Variants in AGBL4 observed in about 807,000 individuals in gnomAD.
AGBL4 encodes AGBL carboxypeptidase 4.
AGBL4 carries 58 observed loss-of-function variants against 66.4 expected under a neutral mutation model. The observed-to-expected ratio is 0.87, with a 90% CI of 0.71 to 1.09. AGBL4 has a LOEUF of 1.09. AGBL4 is among the 50% of genes least tolerant of loss of function. The probability of loss-of-function intolerance (pLI) is 0.00; values close to 1 mark genes in which losing one functional copy is unlikely to be tolerated. For missense variants in AGBL4, 579 were observed against 631.0 expected, an observed-to-expected ratio of 0.92 and a Z score of 0.88; for synonymous variants, 234 against 222.9, an observed-to-expected ratio of 1.05 and a Z score of -0.44.
chr1:49,425,912 A>G (rs1166809697), intron 3 of AGBL4, among the ~76,000 whole-genome samples: 1 of 152,202 alleles, frequency 6.6e-6, no homozygotes, highest in African/African-American at 2.4e-5. Context: ...GTTCCTTGTC[A>G]TCTTTGAGGA....
chr1:48,968,236 T>C (rs1457731116), intron 5 of AGBL4, among the ~76,000 whole-genome samples: 1 of 152,024 alleles, frequency 6.6e-6, no homozygotes, highest in Non-Finnish European at 1.5e-5. Flanking sequence ...AACAGAAGAA[T>C]AGTAGGCAAT....
chr1:49,356,760 GT>G (rs1189182438), intron 3 of AGBL4, among the ~76,000 whole-genome samples: 1 of 152,200 alleles, frequency 6.6e-6, no homozygotes, highest in African/African-American at 2.4e-5. Flanking sequence ...GGTTCTCAAT[GT>G]AGGCAAAGTG....
chr1:49,585,621 T>C (rs966551632), intron 3 of AGBL4, among the ~76,000 whole-genome samples: 5 of 152,254 alleles, frequency 3.3e-5, no homozygotes, highest in African/African-American at 1.2e-4. Context: ...ATCTTAATTA[T>C]TGACTTTGTG....
chr1:49,648,370 G>A (rs1392134534), intron 3 of AGBL4, among the ~76,000 whole-genome samples: 1 of 149,704 alleles, frequency 6.7e-6, no homozygotes, highest in African/African-American at 2.4e-5. Context: ...TCCAAAACCT[G>A]TAATACGACT....
intron 3 of AGBL4, among the ~76,000 whole-genome samples, chr1:49,403,333 A>G (rs1306644051): frequency 6.6e-6 from 1 of 152,042 alleles, no homozygotes; most frequent in Non-Finnish European, 1.5e-5. Context: ...TATCTTTTCC[A>G]TCACTTTATT....
intron 4 of AGBL4, among the ~76,000 whole-genome samples, chr1:49,072,326 T>A (rs945761806): frequency 3.9e-5 from 6 of 152,216 alleles, no homozygotes; most frequent in Non-Finnish European, 7.3e-5. Context: ...TTGATGCTGT[T>A]CTTCATAGCA....
At chr1:49,535,882 G>A (rs1570971298) in intron 3 of AGBL4, among the ~76,000 whole-genome samples, 1 of 152,048 alleles carries the variant, frequency 6.6e-6, no homozygotes, top group African/African-American at 2.4e-5. Flanking sequence ...TAGTAGAGAC[G>A]GGGTTTCACC....
intron 3 of AGBL4, among the ~76,000 whole-genome samples, chr1:49,543,581 C>A (rs1036663257): frequency 2.0e-5 from 3 of 152,036 alleles, no homozygotes; most frequent in African/African-American, 7.2e-5. Flanking sequence ...AATATATCAG[C>A]AAGAGTGTTC....
chr1:49,368,307 T>A (rs1006097371), intron 3 of AGBL4, among the ~76,000 whole-genome samples: 11 of 152,348 alleles, frequency 7.2e-5, no homozygotes, highest in Middle Eastern at 3.4e-3. Flanking sequence ...TATGGAATTT[T>A]ATGTTTAACT....
At chr1:49,329,642 G>C (rs535430992) in intron 3 of AGBL4, among the ~76,000 whole-genome samples, 5 of 152,168 alleles carry the variant, frequency 3.3e-5, no homozygotes, top group Admixed American at 2.0e-4. Context: ...CTCCAGCCTA[G>C]GTAACATAGT....
intron 3 of AGBL4, among the ~76,000 whole-genome samples, chr1:49,300,415 T>C (rs1644724235): frequency 6.6e-6 from 1 of 152,176 alleles, no homozygotes; most frequent in African/African-American, 2.4e-5. Flanking sequence ...AAAAACAGCC[T>C]AGATATGTGG....
chr1:48,545,146 C>G (rs1181132612), intron 11 of AGBL4, among the ~76,000 whole-genome samples: 1 of 152,104 alleles, frequency 6.6e-6, no homozygotes, highest in Non-Finnish European at 1.5e-5. Context: ...ATACTGAGAG[C>G]CAGACTTAAA....
chr1:49,787,485 A>G (rs1644485855), intron 2 of AGBL4, among the ~76,000 whole-genome samples: 1 of 150,726 alleles, frequency 6.6e-6, no homozygotes, highest in Non-Finnish European at 1.5e-5. Flanking sequence ...CCTGGGCGAC[A>G]GAGCGAGACT....
chr1:49,604,624 T>C (rs944462647), intron 3 of AGBL4, among the ~76,000 whole-genome samples: 1 of 152,102 alleles, frequency 6.6e-6, no homozygotes, highest in African/African-American at 2.4e-5. Flanking sequence ...GCTTTAGGGG[T>C]CTTAATTTTT....
intron 4 of AGBL4, among the ~76,000 whole-genome samples, chr1:49,216,804 C>CAA (rs1047157976): frequency 1.3e-5 from 2 of 152,086 alleles, no homozygotes; most frequent in African/African-American, 4.8e-5. Context: ...ACAATACTAT[C>CAA]AATGTCCATT....
At chr1:49,583,829 A>G (rs1330217029) in intron 3 of AGBL4, among the ~76,000 whole-genome samples, 1 of 152,164 alleles carries the variant, frequency 6.6e-6, no homozygotes, top group African/African-American at 2.4e-5. Context: ...TAGAACAGAA[A>G]AATTAACTCC....
intron 3 of AGBL4, among the ~76,000 whole-genome samples, chr1:49,391,437 C>T (rs1318781042): frequency 6.6e-6 from 1 of 151,916 alleles, no homozygotes; most frequent in Non-Finnish European, 1.5e-5. Flanking sequence ...CTAATGATGG[C>T]CTGAAGTGAA....
intron 3 of AGBL4, among the ~76,000 whole-genome samples, chr1:49,331,767 G>A (rs1053372275): frequency 1.3e-5 from 2 of 152,006 alleles, no homozygotes; most frequent in African/African-American, 4.8e-5. Flanking sequence ...GGTGTGGAAG[G>A]TAACACAGCA....
At chr1:48,929,888 T>C (rs1399865554) in intron 5 of AGBL4, among the ~76,000 whole-genome samples, 1 of 152,222 alleles carries the variant, frequency 6.6e-6, no homozygotes, top group Non-Finnish European at 1.5e-5. Flanking sequence ...TCTGATTTTA[T>C]TATTGTAGAT....
Sources: allele counts gnomAD v4.1 joint callset (sites outside exome capture counted in the v4.1 genomes callset), GRCh38; gene constraint gnomAD v4.1.1; transcripts MANE v1.5; gene names NCBI Gene and HGNC (gene_info 2026-07-23, HGNC 2026-07-21).